PTPRD: variants seen among roughly 807,000 people sequenced by gnomAD.
PTPRD encodes protein tyrosine phosphatase receptor type D.
Under a neutral mutation model 214.5 loss-of-function variants are expected in PTPRD, and 34 were observed. The observed-to-expected ratio is 0.16, with a 90% CI of 0.12 to 0.21. The LOEUF (loss-of-function observed/expected upper bound fraction) is 0.21, where lower values mean the gene tolerates loss of function less well. PTPRD is among the 10% of genes least tolerant of loss of function. The probability of loss-of-function intolerance (pLI) is 1.00; values close to 1 mark genes in which losing one functional copy is unlikely to be tolerated. For missense variants in PTPRD, 2,545 were observed against 2,398.7 expected (o/e 1.06, Z -1.27); for synonymous variants, 1,128 against 845.7 (o/e 1.33, Z -5.79).
chr9:9,345,768 G>C (rs1428386095), intron 9 of PTPRD, among the ~76,000 whole-genome samples: 1 of 151,762 alleles, frequency 6.6e-6, no homozygotes, highest in Non-Finnish European at 1.5e-5. Context: ...CTATAAAATG[G>C]GAACAATAAT....
intron 12 of PTPRD, among the ~76,000 whole-genome samples, chr9:8,729,895 T>C (rs1200250349): frequency 2.0e-5 from 3 of 152,204 alleles, no homozygotes; most frequent in African/African-American, 4.8e-5. Context: ...AGAAACTCCA[T>C]GGTCTACAGT....
chr9:8,573,803 G>A (rs1594227751), intron 14 of PTPRD, among the ~76,000 whole-genome samples: 1 of 151,840 alleles, frequency 6.6e-6, no homozygotes, highest in East Asian at 1.9e-4. Context: ...AGAACATTTT[G>A]TAACCAGTGT....
intron 5 of PTPRD, among the ~76,000 whole-genome samples, chr9:9,885,919 C>T (rs1223852666): frequency 6.6e-6 from 1 of 151,478 alleles, no homozygotes; most frequent in Non-Finnish European, 1.5e-5. Flanking sequence ...TGAAAGAGAT[C>T]TGTGAGTGTA....
intron 14 of PTPRD, among the ~76,000 whole-genome samples, chr9:8,622,207 T>C (rs962766050): frequency 6.6e-6 from 1 of 151,924 alleles, no homozygotes; most frequent in African/African-American, 2.4e-5. Flanking sequence ...TTACTTAAGT[T>C]TTTTTATTGC....
intron 2 of PTPRD, among the ~76,000 whole-genome samples, chr9:10,392,899 T>C (rs977247225): frequency 7.3e-5 from 11 of 151,664 alleles, no homozygotes; most frequent in Non-Finnish European, 1.2e-4. Context: ...GTGGGTGGAG[T>C]AGGCAGGTCT....
intron 2 of PTPRD, among the ~76,000 whole-genome samples, chr9:10,538,265 A>C (rs1218351365): frequency 6.8e-6 from 1 of 148,034 alleles, no homozygotes; most frequent in Non-Finnish European, 1.5e-5. Flanking sequence ...TAAATAAATA[A>C]ATAAATAAAT....
At chr9:9,703,456 T>C (rs909695160) in intron 7 of PTPRD, among the ~76,000 whole-genome samples, 7 of 152,180 alleles carry the variant, frequency 4.6e-5, no homozygotes, top group Admixed American at 3.3e-4. Context: ...GCAGAAACAT[T>C]ACATTCACCA....
chr9:8,557,809 TATATAC>T (rs2084575222), intron 14 of PTPRD, among the ~76,000 whole-genome samples: 1 of 110,132 alleles, frequency 9.1e-6, no homozygotes, highest in African/African-American at 4.0e-5. Context: ...CACACACACA[TATATAC>T]ACACACACAT....
intron 2 of PTPRD, among the ~76,000 whole-genome samples, chr9:10,539,688 G>T (rs1054195888): frequency 2.0e-5 from 3 of 152,230 alleles, no homozygotes; most frequent in African/African-American, 7.2e-5. Context: ...CCTCATCTTA[G>T]TTCCACCCAC....
intron 11 of PTPRD, among the ~76,000 whole-genome samples, chr9:8,797,849 C>T (rs1323645485): frequency 6.6e-6 from 1 of 150,654 alleles, no homozygotes. Flanking sequence ...GACAGACTCT[C>T]AGAAAATAAA....
At position 8,499,630 on chromosome 9, in the gene PTPRD, T is replaced by G; in HGVS notation, c.2322+17A>C. On this transcript the variant is annotated intron_variant, in intron 25 of 45. Transcript: ENST00000381196. ...CTTATTATATAAAAACAGAGGTACA[T>G]AATTTCAGAGGCTTACCTGTGCATC... 1 of 1,600,880 alleles carries G rather than the reference T, an allele frequency of 6.2e-7. No individual in the cohort carries two copies. Among genetic ancestry groups the G allele is most frequent in the Non-Finnish European group, 8.5e-7 (1 of 1,176,574 alleles).
rs544768279 is a variant in PTPRD, at chr9:9,675,946, C to T, written c.-287+58587G>A. Reference sequence around the variant, plus strand: ...CAAAATATTAACCAACTATACCCAACAATGTTTCAAAAATGCTAAGACTGA... The same window carrying T: ...CAAAATATTAACCAACTATACCCAATAATGTTTCAAAAATGCTAAGACTGA... On this transcript the variant is annotated intron_variant, in intron 7 of 45. Coordinates refer to ENST00000381196, the MANE Select transcript of PTPRD (RefSeq NM_002839.4). Among the ~76,000 whole-genome samples, 14 of 152,096 alleles carry T rather than the reference C, an allele frequency of 9.2e-5. No homozygotes were observed. The South Asian group carries it at 2.9e-3, about 32-fold the overall frequency.
chr9:10,451,635 C>T (rs2098842242), intron 2 of PTPRD, among the ~76,000 whole-genome samples: 1 of 151,504 alleles, frequency 6.6e-6, no homozygotes, highest in Admixed American at 6.6e-5. Context: ...AGATCAGTGA[C>T]ATCAGTGTGT....
chr9:8,452,828 TC>T (rs2096013243), intron 33 of PTPRD, among the ~76,000 whole-genome samples: 1 of 152,064 alleles, frequency 6.6e-6, no homozygotes, highest in South Asian at 2.1e-4. Flanking sequence ...CAGGCTCTCA[TC>T]TGGGGGGAAG....
chr9:9,493,096 T>C (rs1667476375), intron 8 of PTPRD, among the ~76,000 whole-genome samples: 2 of 151,524 alleles, frequency 1.3e-5, no homozygotes, highest in Admixed American at 6.6e-5. Flanking sequence ...CTAAAAGGCC[T>C]CTAAGTGTTC....
At chr9:8,995,555 G>T (rs2099393458) in intron 11 of PTPRD, among the ~76,000 whole-genome samples, 1 of 151,732 alleles carries the variant, frequency 6.6e-6, no homozygotes, top group African/African-American at 2.4e-5. Context: ...TTTAGGATTT[G>T]ACAACTCTCT....
At chr9:8,974,217 T>G (rs2154335203) in intron 11 of PTPRD, among the ~76,000 whole-genome samples, 1 of 152,194 alleles carries the variant, frequency 6.6e-6, no homozygotes, top group South Asian at 2.1e-4. Flanking sequence ...TCTGAGTTAA[T>G]TTTTGTACGT....
In PTPRD at chr9:8,525,573, G is replaced by C. The variant is rs536128629; in HGVS notation, c.569-538C>G. On this transcript the variant is annotated intron_variant, in intron 17 of 45. Transcript: ENST00000381196. The stretch of plus-strand genomic sequence containing the variant: ...ATAAATTATCAAAATATCACTTAAA[G>C]AAACAAAACTCCCTTAAGACATGCA... 5.9e-5 allele frequency among the ~76,000 whole-genome samples: 9 copies of C among 152,186 alleles called. No homozygotes were observed. The South Asian group carries it at 8.3e-4, about 14-fold the overall frequency.
intron 3 of PTPRD, among the ~76,000 whole-genome samples, chr9:10,282,590 G>A (rs970239390): frequency 6.6e-6 from 1 of 152,134 alleles, no homozygotes; most frequent in Non-Finnish European, 1.5e-5. Context: ...TGTTAGCTAT[G>A]AAATATCTGA....
Sources: allele counts gnomAD v4.1 joint callset (sites outside exome capture counted in the v4.1 genomes callset), GRCh38; gene constraint gnomAD v4.1.1; transcripts MANE v1.5; gene names NCBI Gene and HGNC (gene_info 2026-07-23, HGNC 2026-07-21).